Variants in SLC2A9 observed in about 807,000 individuals in gnomAD.
The protein encoded by SLC2A9 is solute carrier family 2, facilitated glucose transporter member 9.
In SLC2A9, 39 loss-of-function variants were observed where a neutral mutation model predicts 50.6. The ratio of observed to expected loss-of-function variants is 0.77; its 90% CI spans 0.60 to 1.01. The LOEUF is 1.01. Among genes scored for constraint, SLC2A9 ranks in the 50% least tolerant of loss-of-function variants. The pLI, the probability that SLC2A9 is intolerant of heterozygous loss-of-function variation, is 0.00. For synonymous variants in SLC2A9, 324 were observed against 276.9 expected (o/e 1.17, Z -1.69); for missense variants, 686 against 677.6 (o/e 1.01, Z -0.14).
Position 9,826,339 on chromosome 4 carries a change from C to T in SLC2A9, c.*58G>A, listed in dbSNP as rs1425352446. ...TTTTAAGTTTCCTGAAAAGTGAGATCATCCATGTAGACAATCCTGTTTTTG... is the reference window on the plus strand; with the variant it reads ...TTTTAAGTTTCCTGAAAAGTGAGATTATCCATGTAGACAATCCTGTTTTTG... On this transcript the variant is annotated 3_prime_UTR_variant, in exon 12 of 12. Transcript: ENST00000264784. 1.3e-6 allele frequency: 2 copies of T among 1,559,898 alleles called. No homozygotes were observed. The highest frequency in any genetic ancestry group is 1.7e-5 in the Admixed American group (1 of 59,898).
chr4:9,923,571 T>C (rs555593596), intron 6 of SLC2A9, among the ~76,000 whole-genome samples: 42 of 152,230 alleles, frequency 2.8e-4, no homozygotes, highest in African/African-American at 7.7e-4. Flanking sequence ...CAGCACGGCA[T>C]GGCACGGCTC....
downstream of SLC2A9, among the ~76,000 whole-genome samples, chr4:9,776,183 C>CTCTCTTTTTTTTTTTTTTT (rs1300940353): frequency 7.4e-6 from 1 of 134,780 alleles, no homozygotes. Flanking sequence ...AGAAGTCTTT[C>CTCTCTTTTTTTTTTTTTTT]TTTCTTTTTT....
At chr4:9,855,382 T>C (rs1337987288) in intron 10 of SLC2A9, among the ~76,000 whole-genome samples, 1 of 151,786 alleles carries the variant, frequency 6.6e-6, no homozygotes, top group African/African-American at 2.4e-5. Flanking sequence ...GCATACAAAA[T>C]AAAATTCCTA....
chr4:10,021,309 TC>T lies in SLC2A9; in HGVS notation c.120del (p.Ser41ValfsTer38). On this transcript the variant is annotated frameshift_variant, in exon 1 of 12. Coordinates refer to ENST00000264784, the MANE Select transcript of SLC2A9 (RefSeq NM_020041.3). LOFTEE classifies it high-confidence loss of function. The part of the protein sequence containing the change: ...GRALLECDHL[R>X]SGVPGGRRRK... ...CTTCTCCTTCCACCTGGCACCCCAC[TC>T]CTCAGGTGGTCACACTCCAGCAGTG... The T allele has an allele frequency of 6.2e-7, 1 of 1,614,036 alleles. No individual in the cohort carries two copies. The highest frequency in any genetic ancestry group is 8.5e-7 in the Non-Finnish European group (1 of 1,180,024).
At chr4:9,844,911 C>T (rs1261340699) in intron 10 of SLC2A9, among the ~76,000 whole-genome samples, 1 of 152,180 alleles carries the variant, frequency 6.6e-6, no homozygotes. Flanking sequence ...TCTGTAAAGC[C>T]AGCTTTGTTA....
chr4:9,974,233 G>C (rs527641361), intron 5 of SLC2A9, among the ~76,000 whole-genome samples: 2 of 152,160 alleles, frequency 1.3e-5, no homozygotes, highest in African/African-American at 4.8e-5. Context: ...AACAAGACAA[G>C]GTGCCCACTC....
At chr4:9,963,110 A>C (rs1286267738) in intron 5 of SLC2A9, among the ~76,000 whole-genome samples, 1 of 152,196 alleles carries the variant, frequency 6.6e-6, no homozygotes, top group African/African-American at 2.4e-5. Context: ...TCATGGCCAA[A>C]GGCAAAGAAG....
intron 6 of SLC2A9, among the ~76,000 whole-genome samples, chr4:9,928,068 G>A (rs1424044626): frequency 2.6e-5 from 4 of 152,152 alleles, no homozygotes; most frequent in Non-Finnish European, 4.4e-5. Flanking sequence ...CTTGAGCCCA[G>A]GAGTTCGAGG....
At chr4:10,022,734 G>T (rs1193540646), upstream of SLC2A9, among the ~76,000 whole-genome samples, 1 of 152,178 alleles carries the variant, frequency 6.6e-6, no homozygotes, top group Non-Finnish European at 1.5e-5. Context: ...TAAAAGGTGT[G>T]GAGTACGGCA....
At chr4:9,807,324 C>T (rs115680229) in intron 3 of SLC2A9, among the ~76,000 whole-genome samples, 1 of 152,172 alleles carries the variant, frequency 6.6e-6, no homozygotes, top group African/African-American at 2.4e-5. Flanking sequence ...GCCCTTTCTT[C>T]CTTGTTTATC....
intron 8 of SLC2A9, among the ~76,000 whole-genome samples, chr4:9,894,064 TG>T (rs1329558523): frequency 2.0e-5 from 3 of 152,216 alleles, no homozygotes; most frequent in Non-Finnish European, 2.9e-5. Flanking sequence ...TCCACACCCT[TG>T]GACTCAGTCA....
intron 10 of SLC2A9, among the ~76,000 whole-genome samples, chr4:9,854,295 G>C (rs747650669): frequency 3.3e-5 from 5 of 152,056 alleles, no homozygotes; most frequent in African/African-American, 9.7e-5. Context: ...AAGTGACAAA[G>C]AGACATTATC....
intron 10 of SLC2A9, among the ~76,000 whole-genome samples, chr4:9,850,351 C>A (rs1729677148): frequency 6.6e-6 from 1 of 152,176 alleles, no homozygotes; most frequent in African/African-American, 2.4e-5. Context: ...GTGGGAACAT[C>A]TGCAGTGAAG....
In SLC2A9 at chr4:9,782,195, C is replaced by A. The variant is rs1427500829; in HGVS notation, n.386-2130G>T. 22 of 1,608,810 alleles carry A rather than the reference C, an allele frequency of 1.4e-5. No homozygotes were observed. The highest frequency in any genetic ancestry group is 1.7e-5 in the Non-Finnish European group (20 of 1,177,550). Reference sequence around the variant, plus strand: ...GACCCTACTCATCATCTGGACCCTGCTGGGCAACGTGCTGGTGTGCGCAGC... The same window carrying A: ...GACCCTACTCATCATCTGGACCCTGATGGGCAACGTGCTGGTGTGCGCAGC... On this transcript the variant is annotated intron_variant and non_coding_transcript_variant, in intron 3 of 3. Coordinates refer to the SLC2A9 transcript ENST00000503803.
chr4:9,928,931 C>T (rs1056038899), intron 6 of SLC2A9, among the ~76,000 whole-genome samples: 3 of 152,220 alleles, frequency 2.0e-5, no homozygotes, highest in African/African-American at 4.8e-5. Context: ...GTGGTTGATA[C>T]TAAGGAAGAT....
chr4:9,998,414 G>C (rs964436834), intron 2 of SLC2A9, among the ~76,000 whole-genome samples: 1 of 152,148 alleles, frequency 6.6e-6, no homozygotes, highest in African/African-American at 2.4e-5. Flanking sequence ...GACCTCTCAG[G>C]GCTGTTGTGA....
At chr4:10,014,172 G>A (rs1342421050) in intron 2 of SLC2A9, among the ~76,000 whole-genome samples, 1 of 152,116 alleles carries the variant, frequency 6.6e-6, no homozygotes, top group African/African-American at 2.4e-5. Flanking sequence ...CCCTGGTTCT[G>A]GGGCTGCCTC....
rs1367169569 is a variant in SLC2A9 at position 9,856,813 on chromosome 4, GC to G, written c.1292-21806del. ...AAAGAAAAAGATCACGTCTTTTGCA[GC>G]AACATGGATGGAGCTGGAGGCCATT... is the stretch of plus-strand genomic sequence containing the variant. On this transcript the variant is annotated intron_variant, in intron 10 of 11. Transcript: ENST00000264784. 3.9e-5 allele frequency among the ~76,000 whole-genome samples: 6 copies of G among 152,294 alleles called. No homozygotes were observed. The East Asian group carries it at 1.2e-3, about 29-fold the overall frequency.
At chr4:9,849,602 G>A (rs901916545) in intron 10 of SLC2A9, among the ~76,000 whole-genome samples, 1 of 152,228 alleles carries the variant, frequency 6.6e-6, no homozygotes, top group African/African-American at 2.4e-5. Context: ...GTCTGGGGGA[G>A]AGGATGTTTT....
Sources: allele counts gnomAD v4.1 joint callset (sites outside exome capture counted in the v4.1 genomes callset), GRCh38; gene constraint gnomAD v4.1.1; transcripts MANE v1.5; gene names NCBI Gene and HGNC (gene_info 2026-07-23, HGNC 2026-07-21).